Variants in CIAPIN1 observed in about 807,000 individuals in gnomAD.
CIAPIN1 encodes the protein anamorsin.
Under a neutral mutation model 34.3 loss-of-function variants are expected in CIAPIN1, and 18 were observed. The ratio of observed to expected loss-of-function variants is 0.52; its 90% CI spans 0.36 to 0.78. The LOEUF (loss-of-function observed/expected upper bound fraction) is 0.78, where lower values mean the gene tolerates loss of function less well. Ranked by LOEUF, CIAPIN1 falls within the 30% of genes least tolerant of loss-of-function variation. The pLI is 0.00. For missense variants in CIAPIN1, 310 were observed against 372.5 expected (o/e 0.83, Z 1.38); for synonymous variants, 131 against 140.4 (o/e 0.93, Z 0.47).
intron 3 of CIAPIN1, among the ~76,000 whole-genome samples, chr16:57,437,782 T>C (rs1447842181): frequency 1.3e-5 from 2 of 152,134 alleles, no homozygotes; most frequent in African/African-American, 4.8e-5. Context: ...TGCCCCAGCC[T>C]CTCAAACTGC....
chr16:57,440,809 G>A lies in CIAPIN1; in HGVS notation c.120C>T (p.Gly40=), dbSNP rs1164403688. Residue 40 remains glycine, a synonymous_variant, in exon 2 of 9, where the codon GGC becomes GGT. Transcript: ENST00000394391. The part of the protein sequence containing the change: ...DKLQALTGNE[G]RVSVENIKQL... Reference sequence around the variant, plus strand: ...GCTTGATGTTTTCCACAGACACGCGGCCCTCATTGCCGGTTAACGCTTGAA... The same window carrying A: ...GCTTGATGTTTTCCACAGACACGCGACCCTCATTGCCGGTTAACGCTTGAA... 5.6e-6 allele frequency: 9 copies of A among 1,613,692 alleles called. No individual in the cohort carries two copies. The highest frequency in any genetic ancestry group is 4.4e-5 in the South Asian group (4 of 91,052).
At chr16:57,435,191 C>T (rs980540529) in intron 4 of CIAPIN1, among the ~76,000 whole-genome samples, 2 of 152,216 alleles carry the variant, frequency 1.3e-5, no homozygotes, top group Middle Eastern at 3.4e-3. Context: ...TTCCCCACCC[C>T]GACTCTTCCT....
chr16:57,442,541 T>C (rs2029892209), intron 1 of CIAPIN1, among the ~76,000 whole-genome samples: 1 of 151,940 alleles, frequency 6.6e-6, no homozygotes, highest in African/African-American at 2.4e-5. Flanking sequence ...GAATCTATGG[T>C]AGTCTTATGT....
intron 1 of CIAPIN1, among the ~76,000 whole-genome samples, chr16:57,441,732 A>G (rs908882983): frequency 3.3e-5 from 5 of 152,214 alleles, no homozygotes; most frequent in African/African-American, 4.8e-5. Context: ...CTTTTAACCT[A>G]TGGAAATTTC....
chr16:57,446,694 C>G (rs1373415434), intron 1 of CIAPIN1, among the ~76,000 whole-genome samples: 1 of 152,154 alleles, frequency 6.6e-6, no homozygotes, highest in Non-Finnish European at 1.5e-5. Context: ...CTTGCAGATC[C>G]TACAAATCAC....
chr16:57,435,587 G>A (rs1903181246), intron 4 of CIAPIN1, among the ~76,000 whole-genome samples: 1 of 152,198 alleles, frequency 6.6e-6, no homozygotes, highest in South Asian at 2.1e-4. Flanking sequence ...GAGGTCAGGA[G>A]TTAGAGAACG....
intron 8 of CIAPIN1, 50 bp downstream of exon 8, chr16:57,430,208 C>T (rs1280821923): frequency 6.6e-7 from 1 of 1,509,046 alleles, no homozygotes. Flanking sequence ...AGAAGAAGGT[C>T]TAATCCCCCT....
At chr16:57,444,470 TAGG>T (rs1369092775) in intron 1 of CIAPIN1, among the ~76,000 whole-genome samples, 1 of 152,214 alleles carries the variant, frequency 6.6e-6, no homozygotes, top group African/African-American at 2.4e-5. Flanking sequence ...CCATGCCTGA[TAGG>T]AGGACACTCC....
At position 57,439,323 on chromosome 16, in the gene CIAPIN1, C is replaced by A; in HGVS notation, c.169G>T (p.Glu57Ter). 1 of 1,614,148 alleles carries A rather than the reference C, an allele frequency of 6.2e-7. No individual in the cohort carries two copies. The highest frequency in any genetic ancestry group is 8.5e-7 in the Non-Finnish European group (1 of 1,180,018). ...IKQLLQSAHKESSFDIILSGL... is the reference protein window; with the variant it reads ...IKQLLQSAHK ...GACAAAATAATGTCAAAGCTGGATT[C>A]TTTGTGGGCAGCTGAAAAGAAGAGG... Residue 57 changes from glutamate (E) to a stop codon, truncating the protein, a stop_gained, in exon 3 of 9, where the codon GAA (glutamate) becomes TAA (stop). Transcript: ENST00000394391. LOFTEE classifies it high-confidence loss of function.
At chr16:57,440,596 T>C (rs1351130776) in intron 2 of CIAPIN1, among the ~76,000 whole-genome samples, 176 bp downstream of exon 2, 1 of 152,068 alleles carries the variant, frequency 6.6e-6, no homozygotes, top group Non-Finnish European at 1.5e-5. Flanking sequence ...AGAACCTACG[T>C]TGAATTATTG....
intron 7 of CIAPIN1, 131 bp from the exon 8 acceptor site, chr16:57,430,470 G>C (rs1903062686): frequency 1.3e-6 from 1 of 754,428 alleles, no homozygotes; most frequent in East Asian, 2.6e-5. Flanking sequence ...CTATAGGCCA[G>C]GCAGACAGCA....
At position 57,431,200 on chromosome 16, in the gene CIAPIN1, G is replaced by A. The variant is rs562918898; in HGVS notation, c.697C>T (p.Arg233Trp). 1.2e-5 allele frequency: 19 copies of A among 1,613,806 alleles called. No individual in the cohort carries two copies. Among genetic ancestry groups the A allele is most frequent in the Admixed American group, 1.7e-5 (1 of 60,000 alleles). The change falls in exon 7 of 9, where the codon CGG becomes TGG. Residue 233 changes from arginine (R) to tryptophan (W), a missense_variant. Coordinates refer to ENST00000394391, the MANE Select transcript of CIAPIN1 (RefSeq NM_020313.4). ...DLKKPDPASL[R>W]AASCGEGKKR... ...TTCCCTTCCCCACAAGAAGCAGCCC[G>A]CAGGGAAGCTGGATCTGGCTTCTTC...
intron 6 of CIAPIN1, 117 bp from the exon 7 acceptor site, chr16:57,431,383 T>C (rs1903083984): frequency 1.6e-6 from 1 of 616,232 alleles, no homozygotes. Flanking sequence ...GTGTCCACCC[T>C]GTCCTCCTTT....
intron 2 of CIAPIN1, among the ~76,000 whole-genome samples, chr16:57,440,199 C>T (rs1292277839): frequency 2.6e-5 from 4 of 152,174 alleles, no homozygotes; most frequent in East Asian, 1.9e-4. Context: ...CCTGTTAGGA[C>T]GAGGAAATTC....
intron 3 of CIAPIN1, among the ~76,000 whole-genome samples, chr16:57,438,175 A>C (rs192728953): frequency 1.3e-5 from 2 of 152,342 alleles, no homozygotes; most frequent in East Asian, 3.9e-4. Flanking sequence ...TACATTTCAA[A>C]ATACTTTCAT....
At chr16:57,429,318 T>C (rs1427391612) in intron 8 of CIAPIN1, 38 bp from the exon 9 acceptor site, 1 of 1,379,226 alleles carries the variant, frequency 7.3e-7, no homozygotes, top group Non-Finnish European at 1.0e-6. Flanking sequence ...GGTCAGCTTA[T>C]CCCAGGCATA....
chr16:57,430,325 G>C lies in CIAPIN1; in HGVS notation c.761C>G (p.Ala254Gly). ...TGACTTCTCTTTTTCCAGTTCTTCG[G>C]CAAGGCCACAGGTGCTGCGGGAAAA... ...KACKNCTCGL[A>G]EELEKEKSRE... Residue 254 changes from alanine to glycine, a missense_variant, in exon 8 of 9, where the codon GCC (alanine) becomes GGC (glycine). Physicochemically the swap from Ala to Gly is moderately conservative, Grantham distance 60. Transcript: ENST00000394391. The C allele has an allele frequency of 6.2e-7, 1 of 1,614,192 alleles. No individual in the cohort carries two copies. The highest frequency in any genetic ancestry group is 8.5e-7 in the Non-Finnish European group (1 of 1,180,028).
In CIAPIN1 at chr16:57,440,896, A is replaced by T. The variant is rs1414855745; in HGVS notation, c.33T>A (p.Phe11Leu). The T allele has an allele frequency of 1.2e-6, 2 of 1,613,842 alleles. No individual in the cohort carries two copies. Among genetic ancestry groups the T allele is most frequent in the African/African-American group, 2.7e-5 (2 of 74,904 alleles). The change falls in exon 2 of 9, where the codon TTT becomes TTA. Residue 11 changes from phenylalanine (F) to leucine (L), a missense_variant. Physicochemically the swap from Phe to Leu is conservative, Grantham distance 22. Transcript: ENST00000394391. MADFGISAGQ[F>L]VAVVWDKSSP... is the part of the protein sequence containing the mutation. Reference sequence around the variant, plus strand: ...ATGACTTATCCCAGACCACTGCCACAAACTGGCCAGCAGAGATCCCAAAAT... The same window carrying T: ...ATGACTTATCCCAGACCACTGCCACTAACTGGCCAGCAGAGATCCCAAAAT...
At position 57,428,969 on chromosome 16, in the gene CIAPIN1, A is replaced by G. The variant is rs1903016064; in HGVS notation, c.*201T>C. The G allele has an allele frequency of 1.9e-6, 1 of 533,358 alleles. No homozygotes were observed. Among genetic ancestry groups the G allele is most frequent in the Non-Finnish European group, 3.4e-6 (1 of 297,868 alleles). The allele number at this position is 533,358 out of a possible 1,614,324, so 33.0% of individuals were successfully genotyped here. A position where few individuals can be genotyped will look rare whatever the true frequency, so the allele number is the denominator to read the frequency against. ...CCATCCCATTCTGAAACCAGGTCCC[A>G]TAATACCTTGGTCTTTTGATACACA... On this transcript the variant is annotated 3_prime_UTR_variant, in exon 9 of 9. Transcript: ENST00000394391.
Sources: allele counts gnomAD v4.1 joint callset (sites outside exome capture counted in the v4.1 genomes callset), GRCh38; gene constraint gnomAD v4.1.1; transcripts MANE v1.5; gene names NCBI Gene and HGNC (gene_info 2026-07-23, HGNC 2026-07-21).